DNAI3: variants seen among roughly 807,000 people sequenced by gnomAD.
The protein encoded by DNAI3 is WD repeat domain 63.
DNAI3 carries 83 observed loss-of-function variants against 115.5 expected under a neutral mutation model. That is an observed-to-expected ratio of 0.72 (90% CI 0.60 to 0.86). The LOEUF is 0.86. Ranked by LOEUF, DNAI3 falls within the 40% of genes least tolerant of loss-of-function variation. The pLI is 0.00. For synonymous variants in DNAI3, 320 were observed against 347.0 expected (o/e 0.92, Z 0.86); for missense variants, 1,004 against 1,075.8 (o/e 0.93, Z 0.93).
intron 11 of DNAI3, among the ~76,000 whole-genome samples, chr1:85,096,538 A>G (rs201161527): frequency 7.1e-6 from 1 of 140,028 alleles, no homozygotes; most frequent in Non-Finnish European, 1.6e-5. Context: ...ATATATATAT[A>G]TGTATCTCAA....
chr1:85,126,408 T>C, intron 19 of DNAI3, 103 bp from the exon 20 acceptor site: 1 of 1,243,892 alleles, frequency 8.0e-7, no homozygotes, highest in Non-Finnish European at 1.1e-6. Flanking sequence ...TGTTGTTATA[T>C]GATCATAGCT....
At chr1:85,110,654 C>T (rs914908687) in intron 16 of DNAI3, among the ~76,000 whole-genome samples, 4 of 151,934 alleles carry the variant, frequency 2.6e-5, no homozygotes, top group Non-Finnish European at 4.4e-5. Flanking sequence ...AAAAAAGATT[C>T]AGTTCATTTC....
At chr1:85,067,842 C>G (rs142681364) in intron 1 of DNAI3, among the ~76,000 whole-genome samples, 1 of 152,292 alleles carries the variant, frequency 6.6e-6, no homozygotes, top group Non-Finnish European at 1.5e-5. Flanking sequence ...AAAGCAGATT[C>G]TCTCTTAGAG....
intron 13 of DNAI3, chr1:85,099,170 A>T: frequency 1.2e-6 from 1 of 844,320 alleles, no homozygotes. Flanking sequence ...TTGTACACTT[A>T]CTTGACTATA....
chr1:85,069,273 T>G (rs979481769), intron 1 of DNAI3, among the ~76,000 whole-genome samples: 1 of 152,222 alleles, frequency 6.6e-6, no homozygotes, highest in Non-Finnish European at 1.5e-5. Context: ...CTCCCAGATA[T>G]CTGTGTTTCT....
chr1:85,122,296 C>G (rs1285663485), intron 18 of DNAI3, among the ~76,000 whole-genome samples: 2 of 152,130 alleles, frequency 1.3e-5, no homozygotes, highest in Non-Finnish European at 2.9e-5. Flanking sequence ...CAGGACCCTC[C>G]TTTGGGGCTA....
At chr1:85,121,434 C>T (rs1054541462) in intron 17 of DNAI3, among the ~76,000 whole-genome samples, 2 of 152,206 alleles carry the variant, frequency 1.3e-5, no homozygotes, top group African/African-American at 4.8e-5. Flanking sequence ...CCTGATCCCT[C>T]CCTTTACGGA....
chr1:85,110,579 C>G (rs971564972), intron 16 of DNAI3, among the ~76,000 whole-genome samples: 3 of 151,996 alleles, frequency 2.0e-5, no homozygotes, highest in African/African-American at 4.8e-5. Flanking sequence ...AAATCAAACC[C>G]TCCAATGTGG....
intron 3 of DNAI3, among the ~76,000 whole-genome samples, chr1:85,075,404 A>T (rs1417930958): frequency 6.6e-6 from 1 of 152,170 alleles, no homozygotes; most frequent in Non-Finnish European, 1.5e-5. Context: ...AAAAATAGGA[A>T]TATGTTTGCT....
chr1:85,072,978 G>GAAA, intron 2 of DNAI3, 76 bp from the exon 3 acceptor site: 10 of 665,930 alleles, frequency 1.5e-5, no homozygotes, highest in Non-Finnish European at 4.5e-6. Context: ...AAAAAAAGAA[G>GAAA]AAATAAAAGA....
intron 10 of DNAI3, among the ~76,000 whole-genome samples, chr1:85,095,380 A>G (rs927440804): frequency 3.3e-5 from 5 of 152,130 alleles, no homozygotes; most frequent in Admixed American, 3.3e-4. Context: ...GTTTTACTGT[A>G]ATAGATTCTA....
chr1:85,132,700 C>G (rs556148602), intron 22 of DNAI3, among the ~76,000 whole-genome samples, 155 bp from the exon 23 acceptor site: 1 of 152,066 alleles, frequency 6.6e-6, no homozygotes, highest in Non-Finnish European at 1.5e-5. Flanking sequence ...CTGACTGCCT[C>G]CTGCCCACCT....
At chr1:85,104,629 T>C (rs1655431656) in intron 14 of DNAI3, 32 bp downstream of exon 14, 1 of 1,589,782 alleles carries the variant, frequency 6.3e-7, no homozygotes, top group Non-Finnish European at 8.6e-7. Context: ...TCCTAATGTG[T>C]TTTCATACAT....
chr1:85,133,007 C>A lies in DNAI3; in HGVS notation c.*9C>A, dbSNP rs142118085. 9.6e-3 allele frequency: 15,334 copies of A among 1,605,644 alleles called. 101 individuals are homozygous for A. The highest frequency in any genetic ancestry group is 0.011 in the Non-Finnish European group (13,268 of 1,177,568). On this transcript the variant is annotated 3_prime_UTR_variant, in exon 23 of 23. Coordinates refer to ENST00000294664, the MANE Select transcript of DNAI3 (RefSeq NM_145172.5). ...ACATGGAGGTGATGTAAAAAAGCTT[C>A]CTGAAGGGGTGTTTTGGGGACTTCT... is the stretch of plus-strand genomic sequence containing the variant.
chr1:85,079,326 A>G (rs554662943), intron 3 of DNAI3, among the ~76,000 whole-genome samples: 55 of 152,374 alleles, frequency 3.6e-4, no homozygotes, highest in South Asian at 1.4e-3. Context: ...ATGTTATGCC[A>G]ACTGACTGCA....
chr1:85,070,169 G>C (rs1440503424), intron 1 of DNAI3, among the ~76,000 whole-genome samples: 1 of 152,084 alleles, frequency 6.6e-6, no homozygotes, highest in Non-Finnish European at 1.5e-5. Flanking sequence ...GCTGAGGCAG[G>C]AGAATCGCTT....
At chr1:85,073,027 A>C (rs761505886) in intron 2 of DNAI3, 27 bp from the exon 3 acceptor site, 11 of 1,443,818 alleles carry the variant, frequency 7.6e-6, no homozygotes, top group African/African-American at 2.9e-5. Context: ...AAAAATGTAA[A>C]TTTGACTTCC....
At chr1:85,119,118 AT>A (rs1185944843) in intron 17 of DNAI3, among the ~76,000 whole-genome samples, 4 of 152,212 alleles carry the variant, frequency 2.6e-5, no homozygotes, top group South Asian at 2.1e-4. Context: ...AGTTTAAAAA[AT>A]TTTTTTAATT....
At chr1:85,091,656 C>T (rs1654979834) in intron 8 of DNAI3, among the ~76,000 whole-genome samples, 2 of 152,224 alleles carry the variant, frequency 1.3e-5, no homozygotes, top group East Asian at 1.9e-4. Context: ...CTAAAACAAA[C>T]TTAAGGGAAG....
Sources: gnomAD v4.1 joint callset for allele counts (sites outside exome capture counted in the v4.1 genomes callset) on GRCh38, gnomAD v4.1.1 for gene constraint, MANE v1.5 for transcripts, NCBI Gene and HGNC (gene_info 2026-07-23, HGNC 2026-07-21) for gene names.